The following PON2 variants were observed in gnomAD, a reference collection of about 807,000 sequenced individuals.
The protein encoded by PON2 is paraoxonase 2.
In PON2, 27 loss-of-function variants were observed where a neutral mutation model predicts 36.6. The ratio of observed to expected loss-of-function variants is 0.74; its 90% confidence interval spans 0.54 to 1.02. The LOEUF (loss-of-function observed/expected upper bound fraction) is 1.02. Among genes scored for constraint, PON2 ranks in the 50% least tolerant of loss-of-function variants. The pLI is 0.00. For synonymous variants in PON2, 149 were observed against 156.3 expected, an observed-to-expected ratio of 0.95 and a Z score of 0.35; for missense variants, 363 against 421.1, an observed-to-expected ratio of 0.86 and a Z score of 1.21.
At chr7:95,416,390 A>G in intron 2 of PON2, 93 bp from the exon 3 acceptor site, 1 of 1,386,072 alleles carries the variant, frequency 7.2e-7, no homozygotes, top group East Asian at 2.4e-5. Flanking sequence ...TATCAGAGTG[A>G]CTGTATCTTT....
At chr7:95,423,136 C>T (rs1371599371) in intron 2 of PON2, among the ~76,000 whole-genome samples, 1 of 151,798 alleles carries the variant, frequency 6.6e-6, no homozygotes, top group Non-Finnish European at 1.5e-5. Flanking sequence ...CCAGCCTGGA[C>T]AACATAACAA....
At chr7:95,413,456 T>G (rs554491165) in intron 3 of PON2, among the ~76,000 whole-genome samples, 1 of 152,356 alleles carries the variant, frequency 6.6e-6, no homozygotes, top group South Asian at 2.1e-4. Flanking sequence ...TGCTTCACCA[T>G]CAAGAATGAT....
intron 6 of PON2, among the ~76,000 whole-genome samples, chr7:95,408,704 A>G (rs755399820): frequency 3.9e-5 from 6 of 152,228 alleles, no homozygotes; most frequent in Non-Finnish European, 8.8e-5. Context: ...AATTTATTTT[A>G]TGTTGTATTT....
rs370767073 is a variant in PON2, at chr7:95,411,813, G to A, written c.368-34C>T. On this transcript the variant is annotated intron_variant, in intron 4 of 8. Coordinates refer to ENST00000222572, the MANE Select transcript of PON2 (RefSeq NM_000305.3). Reference sequence around the variant, plus strand: ...TTGAAAGAACAGAGTTAATTTACAAGACATAACTACGGGACCTCTGGGCAG... The same window carrying A: ...TTGAAAGAACAGAGTTAATTTACAAAACATAACTACGGGACCTCTGGGCAG... The A allele has an allele frequency of 8.1e-6, 13 of 1,610,084 alleles. No individual in the cohort carries two copies. The African/African-American group carries it at 1.6e-4, about 20-fold the overall frequency.
chr7:95,422,614 A>C (rs1183748230), intron 2 of PON2, among the ~76,000 whole-genome samples: 1 of 152,230 alleles, frequency 6.6e-6, no homozygotes, highest in African/African-American at 2.4e-5. Context: ...TATGTACAGG[A>C]GTATTCATAA....
At chr7:95,415,574 T>G (rs1220598408) in intron 3 of PON2, among the ~76,000 whole-genome samples, 1 of 152,130 alleles carries the variant, frequency 6.6e-6, no homozygotes, top group East Asian at 1.9e-4. Flanking sequence ...GAAAGATGAG[T>G]AGATGCTGTA....
At position 95,416,189 on chromosome 7, in the gene PON2, C is replaced by T. The variant is rs550490566; in HGVS notation, c.201+53G>A. On this transcript the variant is annotated intron_variant, in intron 3 of 8. Transcript: ENST00000222572. ...CAACTTACTGTTCTGCAGCCCTCAT[C>T]AAATACCCTTGTATCTCCTCTGCTG... 5 of 1,611,394 alleles carry T rather than the reference C, an allele frequency of 3.1e-6. No homozygotes were observed. In the African/African-American group the frequency reaches 6.7e-5, roughly 21 times the overall value.
chr7:95,421,138 TC>T (rs1441027312), intron 2 of PON2, among the ~76,000 whole-genome samples: 2 of 152,128 alleles, frequency 1.3e-5, no homozygotes, highest in Non-Finnish European at 2.9e-5. Context: ...ATTTCCTCAT[TC>T]TTTCCAATTC....
intron 3 of PON2, among the ~76,000 whole-genome samples, chr7:95,414,791 C>G (rs1413494782): frequency 2.0e-5 from 3 of 152,196 alleles, no homozygotes; most frequent in Non-Finnish European, 4.4e-5. Flanking sequence ...CAGAGTCCTA[C>G]TATAAATATC....
intron 1 of PON2, among the ~76,000 whole-genome samples, chr7:95,431,913 TAAAAAAA>T (rs35310147): frequency 7.0e-6 from 1 of 143,876 alleles, no homozygotes; most frequent in East Asian, 2.0e-4. Context: ...ATGCTTATAC[TAAAAAAA>T]AAAAAAAAAA....
chr7:95,431,401 T>C (rs1466721339), intron 1 of PON2, among the ~76,000 whole-genome samples: 5 of 151,880 alleles, frequency 3.3e-5, no homozygotes, highest in Non-Finnish European at 7.4e-5. Flanking sequence ...AGCCTTTCCT[T>C]ATGGGGAGGT....
At chr7:95,424,722 TAGAA>T (rs1425447965) in intron 1 of PON2, 137 bp from the exon 2 acceptor site, 1 of 703,096 alleles carries the variant, frequency 1.4e-6, no homozygotes, top group Non-Finnish European at 2.4e-6. Context: ...AAAGAGAAAA[TAGAA>T]AGACAAGGGT....
intron 1 of PON2, among the ~76,000 whole-genome samples, chr7:95,433,895 G>T (rs13438526): frequency 0.13 from 19,954 of 152,212 alleles, 1,495 homozygotes; most frequent in Middle Eastern, 0.21. Flanking sequence ...CGGTTCATTT[G>T]TGTCTGTCCT....
intron 1 of PON2, chr7:95,434,446 A>C (rs1789515131): frequency 5.8e-6 from 1 of 171,824 alleles, no homozygotes; most frequent in Admixed American, 6.4e-5. Context: ...ACTTTATTAA[A>C]GACGGGTCTG....
intron 3 of PON2, 132 bp downstream of exon 3, chr7:95,416,110 C>G (rs1332004579): frequency 6.8e-7 from 1 of 1,474,780 alleles, no homozygotes; most frequent in Non-Finnish European, 9.2e-7. Flanking sequence ...TTTCCAAGAT[C>G]TTGTTTGACC....
At chr7:95,423,188 G>A (rs1405518402) in intron 2 of PON2, among the ~76,000 whole-genome samples, 1 of 151,820 alleles carries the variant, frequency 6.6e-6, no homozygotes, top group Non-Finnish European at 1.5e-5. Context: ...CATGAGTGGG[G>A]GCATGTGCCT....
At chr7:95,414,695 A>C (rs1438518743) in intron 3 of PON2, among the ~76,000 whole-genome samples, 12 of 152,234 alleles carry the variant, frequency 7.9e-5, no homozygotes, top group Admixed American at 7.2e-4. Context: ...GAATGTTTGC[A>C]TCTTTACTTA....
At chr7:95,422,587 C>A (rs916218568) in intron 2 of PON2, among the ~76,000 whole-genome samples, 2 of 152,108 alleles carry the variant, frequency 1.3e-5, no homozygotes, top group African/African-American at 4.8e-5. Flanking sequence ...TTTGACCTCA[C>A]TTATGTTTTT....
intron 1 of PON2, 45 bp from the exon 2 acceptor site, chr7:95,424,630 A>G (rs1215272779): frequency 6.8e-7 from 1 of 1,462,870 alleles, no homozygotes; most frequent in Non-Finnish European, 9.5e-7. Flanking sequence ...CTATTTGTTT[A>G]TGTATTCCCT....
Sources: gnomAD v4.1 joint callset for allele counts (sites outside exome capture counted in the v4.1 genomes callset) on GRCh38, gnomAD v4.1.1 for gene constraint, MANE v1.5 for transcripts, NCBI Gene and HGNC (gene_info 2026-07-23, HGNC 2026-07-21) for gene names.